Variants in SPATA6 observed in about 807,000 individuals in gnomAD.
SPATA6 encodes spermatogenesis associated 6.
Under a neutral mutation model 65.3 loss-of-function variants are expected in SPATA6, and 56 were observed. The ratio of observed to expected loss-of-function variants is 0.86; its 90% CI spans 0.69 to 1.07. The LOEUF is 1.07. Ranked by LOEUF, SPATA6 falls within the 50% of genes least tolerant of loss-of-function variation. The pLI is 0.00. For missense variants in SPATA6, 590 were observed against 594.8 expected, an observed-to-expected ratio of 0.99 and a Z score of 0.08; for synonymous variants, 199 against 213.2, an observed-to-expected ratio of 0.93 and a Z score of 0.58.
At chr1:48,280,549 A>G in the SPATA6 span, among the ~76,000 whole-genome samples, 1 of 152,206 alleles carries the variant, frequency 6.6e-6, no homozygotes, top group Non-Finnish European at 1.5e-5. Context: ...AGAATACTAC[A>G]AACACCTCTA....
Position 48,296,441 on chromosome 1 carries a change from G to A in SPATA6, c.*2272C>T, listed in dbSNP as rs1395340958. On this transcript the variant is annotated 3_prime_UTR_variant, in exon 13 of 13. Coordinates refer to ENST00000371847, the MANE Select transcript of SPATA6 (RefSeq NM_019073.4). The stretch of plus-strand genomic sequence containing the variant: ...ATCTTTCAGAGTATTAGTTTCTAAA[G>A]TTTCCCTTTCAGCCCTACTTTTTGC... 4 of 152,156 alleles carry A rather than the reference G, an allele frequency of 2.6e-5. No individual in the cohort carries two copies. The highest frequency in any genetic ancestry group is 9.6e-5 in the African/African-American group (4 of 41,452). 9.4% of individuals were successfully genotyped at this position (152,156 alleles called of 1,614,324 possible).
the SPATA6 span, among the ~76,000 whole-genome samples, chr1:48,288,498 G>A: frequency 6.6e-6 from 1 of 152,196 alleles, no homozygotes; most frequent in African/African-American, 2.4e-5. Context: ...AACACTGGGT[G>A]CAGGACAGTG....
chr1:48,380,876 A>AC (rs539640507), intron 9 of SPATA6, among the ~76,000 whole-genome samples: 32 of 152,338 alleles, frequency 2.1e-4, no homozygotes, highest in Middle Eastern at 3.4e-3. Flanking sequence ...TAAACACTAT[A>AC]CAGCAGCAGT....
At chr1:48,348,858 A>C (rs761725945) in intron 11 of SPATA6, among the ~76,000 whole-genome samples, 9 of 152,042 alleles carry the variant, frequency 5.9e-5, no homozygotes, top group Non-Finnish European at 1.3e-4. Flanking sequence ...TCTAGCCTTC[A>C]TCCTCCTGGC....
intron 3 of SPATA6, among the ~76,000 whole-genome samples, chr1:48,429,415 T>C (rs944448680): frequency 6.6e-6 from 1 of 152,154 alleles, no homozygotes; most frequent in African/African-American, 2.4e-5. Flanking sequence ...AAGGAGACAT[T>C]ACATTTATAC....
chr1:48,273,094 A>AT, the SPATA6 span, among the ~76,000 whole-genome samples: 3 of 152,122 alleles, frequency 2.0e-5, no homozygotes, highest in Non-Finnish European at 4.4e-5. Flanking sequence ...ATTGTTTGCT[A>AT]TACAGAAGCT....
intron 9 of SPATA6, among the ~76,000 whole-genome samples, chr1:48,362,263 G>GA (rs916218404): frequency 1.3e-5 from 2 of 151,008 alleles, no homozygotes; most frequent in Non-Finnish European, 1.5e-5. Flanking sequence ...CAAAGAAAAA[G>GA]AAAAAAAAGA....
intron 11 of SPATA6, among the ~76,000 whole-genome samples, chr1:48,327,296 A>C (rs1201393362): frequency 2.0e-5 from 3 of 152,322 alleles, no homozygotes; most frequent in Admixed American, 6.5e-5. Flanking sequence ...CCACAATGAG[A>C]TATCATCTCA....
chr1:48,409,920 C>T (rs1315821995), intron 5 of SPATA6, among the ~76,000 whole-genome samples: 4 of 152,234 alleles, frequency 2.6e-5, no homozygotes, highest in Admixed American at 2.6e-4. Context: ...GGAAGGGCTG[C>T]TACAAAGGTC....
intron 3 of SPATA6, among the ~76,000 whole-genome samples, chr1:48,432,296 A>G (rs1008323951): frequency 1.3e-5 from 2 of 152,028 alleles, no homozygotes; most frequent in Middle Eastern, 3.2e-3. Flanking sequence ...CACAAATAGG[A>G]CTCCATGAAA....
chr1:48,375,404 T>C (rs1004800624), intron 9 of SPATA6, among the ~76,000 whole-genome samples: 1 of 152,226 alleles, frequency 6.6e-6, no homozygotes, highest in Non-Finnish European at 1.5e-5. Flanking sequence ...AACCCATTTT[T>C]GAGCCAGGCC....
Position 48,411,901 on chromosome 1 carries a change from T to C in SPATA6, c.281-313A>G, listed in dbSNP as rs557378716. The stretch of plus-strand genomic sequence containing the variant: ...TTTTTGAGATGGAGTTTCACTCTTT[T>C]TGCCCAGGCTGGAGTGCAATGGTGC... On this transcript the variant is annotated intron_variant, in intron 4 of 12. Coordinates refer to ENST00000371847, the MANE Select transcript of SPATA6 (RefSeq NM_019073.4). Among the ~76,000 whole-genome samples the C allele has an allele frequency of 9.2e-5, 14 of 152,226 alleles. No homozygotes were observed. In the East Asian group the frequency reaches 1.9e-3, roughly 21 times the overall value.
intron 12 of SPATA6, among the ~76,000 whole-genome samples, chr1:48,299,285 G>A (rs140991326): frequency 2.9e-3 from 444 of 151,846 alleles, no homozygotes; most frequent in Admixed American, 4.3e-3. Flanking sequence ...AGGCTGAGAC[G>A]AGCAAATCAC....
intron 1 of SPATA6, among the ~76,000 whole-genome samples, chr1:48,457,677 C>G (rs1482704668): frequency 6.6e-6 from 1 of 152,052 alleles, no homozygotes; most frequent in Non-Finnish European, 1.5e-5. Context: ...GGAAGTAAAA[C>G]TAAGTGATTC....
At chr1:48,461,330 C>T (rs897860144) in intron 1 of SPATA6, among the ~76,000 whole-genome samples, 1 of 152,148 alleles carries the variant, frequency 6.6e-6, no homozygotes, top group Admixed American at 6.5e-5. Flanking sequence ...TGTGCAGAAG[C>T]TCTTTAGTTT....
chr1:48,387,149 T>C (rs909704807), intron 8 of SPATA6, among the ~76,000 whole-genome samples: 4 of 152,084 alleles, frequency 2.6e-5, no homozygotes, highest in Non-Finnish European at 5.9e-5. Flanking sequence ...AACTCCTCTT[T>C]TTAAAATCAT....
At chr1:48,343,569 A>C (rs1646278856) in intron 11 of SPATA6, among the ~76,000 whole-genome samples, 1 of 152,178 alleles carries the variant, frequency 6.6e-6, no homozygotes. Context: ...GATGGAGAGA[A>C]TATGAATCAG....
chr1:48,276,040 ACTT>A, the SPATA6 span, among the ~76,000 whole-genome samples: 4 of 151,994 alleles, frequency 2.6e-5, no homozygotes, highest in Admixed American at 1.3e-4. Flanking sequence ...CAGGGATTCG[ACTT>A]CTTTCTGATT....
the SPATA6 span, among the ~76,000 whole-genome samples, chr1:48,275,801 TG>T: frequency 6.6e-6 from 1 of 152,136 alleles, no homozygotes; most frequent in Non-Finnish European, 1.5e-5. Flanking sequence ...TTTCTTTTTT[TG>T]TTGTGCCTCT....
Sources: allele counts gnomAD v4.1 joint callset (sites outside exome capture counted in the v4.1 genomes callset), GRCh38; gene constraint gnomAD v4.1.1; transcripts MANE v1.5; gene names NCBI Gene and HGNC (gene_info 2026-07-23, HGNC 2026-07-21).